Variants in CUX1 observed in about 807,000 individuals in gnomAD.
CUX1 encodes cut like homeobox 1, also known as protein CASP.
CUX1 carries 31 observed loss-of-function variants against 158.8 expected under a neutral mutation model. That is an observed-to-expected ratio of 0.20 (90% CI 0.15 to 0.26). CUX1 has a LOEUF of 0.26. CUX1 is among the 10% of genes least tolerant of loss of function. The probability of loss-of-function intolerance (pLI) is 1.00; values close to 1 mark genes in which losing one functional copy is unlikely to be tolerated. For missense variants in CUX1, 1,589 were observed against 2,014.6 expected, an observed-to-expected ratio of 0.79 and a Z score of 4.04; for synonymous variants, 879 against 862.1, an observed-to-expected ratio of 1.02 and a Z score of -0.34.
intron 8 of CUX1, among the ~76,000 whole-genome samples, chr7:102,136,018 T>C (rs559686661): frequency 2.6e-5 from 4 of 152,226 alleles, no homozygotes; most frequent in South Asian, 4.1e-4. Flanking sequence ...CATTTTCTTA[T>C]TTTTCAATGA....
intron 3 of CUX1, among the ~76,000 whole-genome samples, chr7:102,062,329 C>G (rs1036665310): frequency 2.0e-5 from 3 of 152,078 alleles, no homozygotes; most frequent in Non-Finnish European, 4.4e-5. Context: ...CATGTGACTC[C>G]GGGAACCCAC....
chr7:102,250,417 G>A lies in CUX1; in HGVS notation c.*1375G>A. 1 of 985,426 alleles carries A rather than the reference G, an allele frequency of 1.0e-6. No individual in the cohort carries two copies. The highest frequency in any genetic ancestry group is 1.2e-6 in the Non-Finnish European group (1 of 829,990). The allele number at this position is 985,426 out of a possible 1,614,324, so 61.0% of individuals were successfully genotyped here. On this transcript the variant is annotated 3_prime_UTR_variant, in exon 24 of 24. Transcript: ENST00000292535. ...ACCTGATGAACTGAGCCCTCCCAGG[G>A]GAAGACACTCCCCAGGCCTGGGCAG... is the stretch of plus-strand genomic sequence containing the variant.
intron 3 of CUX1, among the ~76,000 whole-genome samples, chr7:102,054,503 G>A (rs11975663): frequency 0.14 from 21,920 of 152,108 alleles, 1,655 homozygotes; most frequent in Middle Eastern, 0.22. Context: ...ATTGATCTGT[G>A]TGTTTATCCT....
At position 101,939,825 on chromosome 7, in the gene CUX1, C is replaced by T. The variant is rs969614785; in HGVS notation, c.141+23600C>T. On this transcript the variant is annotated intron_variant, in intron 2 of 23. Coordinates refer to ENST00000292535, the MANE Select transcript of CUX1 (RefSeq NM_181552.4). ...AAAATACAAAAATTGGGGCTGAGCG[C>T]GGTAGCTCACACTTTGGGAGGCCAA... Among the ~76,000 whole-genome samples, 37 of 151,742 alleles carry T rather than the reference C, an allele frequency of 2.4e-4. No homozygotes were observed. In the East Asian group the frequency reaches 3.7e-3, roughly 15 times the overall value.
chr7:102,158,461 C>G, intron 8 of CUX1, 99 bp from the exon 9 acceptor site: 1 of 1,208,474 alleles, frequency 8.3e-7, no homozygotes. Flanking sequence ...CGGGTCTGCA[C>G]AGCCCTTCCC....
In CUX1 at chr7:101,817,679, G is replaced by C; in HGVS notation, c.30+10G>C. 6.4e-7 allele frequency: 1 copy of C among 1,551,298 alleles called. No individual in the cohort carries two copies. Among genetic ancestry groups the C allele is most frequent in the Non-Finnish European group, 8.7e-7 (1 of 1,147,400 alleles). On this transcript the variant is annotated intron_variant, in intron 1 of 23. Coordinates refer to ENST00000292535, the MANE Select transcript of CUX1 (RefSeq NM_181552.4). This position sits in a 1 kb window ranked among gnomAD's most constrained non-coding sequence, Gnocchi z 4.1. ...CGGAGCCAGGTTGAAGGTGAGCGGC[G>C]TGTGGGCCAGAAGTCCCGAGGTTGC...
At chr7:102,015,319 C>A (rs896665103) in intron 2 of CUX1, among the ~76,000 whole-genome samples, 2 of 152,080 alleles carry the variant, frequency 1.3e-5, no homozygotes, top group African/African-American at 4.8e-5. Context: ...CCTCCGCCTC[C>A]CAGGTTCACG....
At position 102,250,225 on chromosome 7, in the gene CUX1, C is replaced by G; in HGVS notation, c.*1183C>G. The G allele has an allele frequency of 2.0e-6, 2 of 985,346 alleles. No homozygotes were observed. Among genetic ancestry groups the G allele is most frequent in the Non-Finnish European group, 2.4e-6 (2 of 829,858 alleles). The allele number at this position is 985,346 out of a possible 1,614,324, so 61.0% of individuals were successfully genotyped here. ...TTTGTTTAATTTATGGTGTCTCAAT[C>G]TGTCTGTGCGTCTGCACGTGTGCAA... On this transcript the variant is annotated 3_prime_UTR_variant, in exon 24 of 24. Coordinates refer to ENST00000292535, the MANE Select transcript of CUX1 (RefSeq NM_181552.4).
chr7:101,980,035 C>CA (rs1813220788), intron 2 of CUX1, among the ~76,000 whole-genome samples: 1 of 152,192 alleles, frequency 6.6e-6, no homozygotes, highest in African/African-American at 2.4e-5. Context: ...GGCTGGGTGA[C>CA]AGAGTGCGGA....
rs782479000 is a variant in CUX1, at chr7:102,113,142, A to G, written c.607+1368A>G. Among the ~76,000 whole-genome samples the G allele has an allele frequency of 2.0e-5, 3 of 152,360 alleles. No homozygotes were observed. The South Asian group carries it at 6.2e-4, about 32-fold the overall frequency. ...GAAGAAATGCAAATGGAAACTACACATATGAAAAAATGCAAAGTTTTTTTT... is the reference window on the plus strand; with the variant it reads ...GAAGAAATGCAAATGGAAACTACACGTATGAAAAAATGCAAAGTTTTTTTT... On this transcript the variant is annotated intron_variant, in intron 7 of 23. Transcript: ENST00000292535.
intron 6 of CUX1, among the ~76,000 whole-genome samples, chr7:102,106,929 C>T (rs2131020516): frequency 6.6e-6 from 1 of 152,336 alleles, no homozygotes; most frequent in African/African-American, 2.4e-5. Context: ...AAGCTGACTT[C>T]ATTCAAAAAG....
intron 14 of CUX1, among the ~76,000 whole-genome samples, chr7:102,266,198 C>T (rs1284020478): frequency 3.1e-4 from 36 of 116,410 alleles, no homozygotes; most frequent in African/African-American, 1.1e-3. Context: ...AGTGAGACTC[C>T]GTTTCAAAAA....
rs550698005 is a variant in CUX1, at chr7:102,160,356, C to T, written c.723+1748C>T. Among the ~76,000 whole-genome samples the T allele has an allele frequency of 2.6e-5, 4 of 152,096 alleles. No homozygotes were observed. In the East Asian group the frequency reaches 5.8e-4, roughly 22 times the overall value. ...CAACAGGAGAGCCTGGTTTGTTAAACGGGAGAGCCTTATCCTGTGAATATC... is the reference window on the plus strand; with the variant it reads ...CAACAGGAGAGCCTGGTTTGTTAAATGGGAGAGCCTTATCCTGTGAATATC... On this transcript the variant is annotated intron_variant, in intron 9 of 23. Coordinates refer to ENST00000292535, the MANE Select transcript of CUX1 (RefSeq NM_181552.4).
In CUX1 at chr7:102,256,814, G is replaced by C. The variant is rs1008428739; in HGVS notation, c.*7772G>C. Reference sequence around the variant, plus strand: ...CCTGGCCAAGACTTTACCTCCAAGCGAGAGAGTGATTTCTTGCAAGGCCCG... The same window carrying C: ...CCTGGCCAAGACTTTACCTCCAAGCCAGAGAGTGATTTCTTGCAAGGCCCG... On this transcript the variant is annotated 3_prime_UTR_variant, in exon 24 of 24. Coordinates refer to ENST00000292535, the MANE Select transcript of CUX1 (RefSeq NM_181552.4). 1 of 985,352 alleles carries C rather than the reference G, an allele frequency of 1.0e-6. No homozygotes were observed. The highest frequency in any genetic ancestry group is 1.2e-6 in the Non-Finnish European group (1 of 829,960). 61.0% of individuals were successfully genotyped at this position (985,352 alleles called of 1,614,324 possible). A position where few individuals can be genotyped will look rare whatever the true frequency, so the allele number is the denominator to read the frequency against.
chr7:102,089,072 T>C (rs1241744418), intron 4 of CUX1, among the ~76,000 whole-genome samples: 1 of 152,224 alleles, frequency 6.6e-6, no homozygotes, highest in Non-Finnish European at 1.5e-5. Context: ...TTTCTGTGAC[T>C]ATATCTTTAA....
intron 1 of CUX1, among the ~76,000 whole-genome samples, chr7:101,829,039 C>G (rs1354259176): frequency 6.6e-6 from 1 of 152,052 alleles, no homozygotes; most frequent in Non-Finnish European, 1.5e-5. Flanking sequence ...AAAGTGGGTG[C>G]CAAAGTCTGG....
At chr7:102,030,954 G>C (rs1317537722) in intron 3 of CUX1, among the ~76,000 whole-genome samples, 1 of 151,966 alleles carries the variant, frequency 6.6e-6, no homozygotes, top group Non-Finnish European at 1.5e-5. Context: ...CTCCCACCTT[G>C]GCTTCCCAGA....
intron 1 of CUX1, among the ~76,000 whole-genome samples, chr7:101,831,174 A>G (rs1416590756): frequency 1.3e-5 from 2 of 152,124 alleles, no homozygotes; most frequent in Non-Finnish European, 2.9e-5. Context: ...TCTTGCTCCA[A>G]AGACTTCCTT....
At chr7:102,050,267 G>A (rs906269152) in intron 3 of CUX1, among the ~76,000 whole-genome samples, 2 of 152,164 alleles carry the variant, frequency 1.3e-5, no homozygotes, top group Admixed American at 6.5e-5. Context: ...GAGCAGCGAC[G>A]TTATATGCAC....
Sources: allele counts gnomAD v4.1 joint callset (sites outside exome capture counted in the v4.1 genomes callset), GRCh38; gene constraint gnomAD v4.1.1; non-coding constraint Gnocchi (gnomAD v3.1); transcripts MANE v1.5; gene names NCBI Gene and HGNC (gene_info 2026-07-23, HGNC 2026-07-21).